FHIT: variants seen among roughly 807,000 people sequenced by gnomAD.
The protein encoded by FHIT is fragile histidine triad diadenosine triphosphatase, also known as bis(5'-adenosyl)-triphosphatase.
A neutral mutation model predicts 17.9 loss-of-function variants in FHIT; 19 were observed. That is an observed-to-expected ratio of 1.06 (90% CI 0.74 to 1.56). The LOEUF is 1.56. Ranked by LOEUF, FHIT falls within the 40% of genes most tolerant of loss-of-function variation. The probability of loss-of-function intolerance (pLI) is 0.00; values close to 1 mark genes in which losing one functional copy is unlikely to be tolerated. For missense variants in FHIT, 248 were observed against 189.2 expected, an observed-to-expected ratio of 1.31 and a Z score of -1.82; for synonymous variants, 81 against 69.7, an observed-to-expected ratio of 1.16 and a Z score of -0.81.
chr3:60,580,854 T>G (rs2037727966), intron 4 of FHIT, among the ~76,000 whole-genome samples: 3 of 152,116 alleles, frequency 2.0e-5, no homozygotes, highest in Non-Finnish European at 4.4e-5. Flanking sequence ...GAGTGATGCC[T>G]GCCAAGGGTG....
intron 5 of FHIT, among the ~76,000 whole-genome samples, chr3:60,319,480 G>A (rs1253540733): frequency 2.0e-5 from 3 of 152,056 alleles, no homozygotes; most frequent in African/African-American, 4.8e-5. Flanking sequence ...CAGAGTAGAT[G>A]ATGGAACGGT....
intron 5 of FHIT, among the ~76,000 whole-genome samples, chr3:60,124,041 G>GAGAGAGAGAC (rs1553691009): frequency 1.6e-3 from 78 of 47,560 alleles, no homozygotes; most frequent in Middle Eastern, 0.011. Context: ...GAGAGAGAGA[G>GAGAGAGAGAC]AGAGAGAGAG....
intron 5 of FHIT, among the ~76,000 whole-genome samples, chr3:60,182,340 T>C (rs529971739): frequency 2.6e-5 from 4 of 152,308 alleles, no homozygotes; most frequent in African/African-American, 9.6e-5. Flanking sequence ...AAACCAAATA[T>C]CAATGATTCC....
chr3:59,945,457 C>T (rs148989317), intron 7 of FHIT, among the ~76,000 whole-genome samples: 8,831 of 151,872 alleles, frequency 0.058, 344 homozygotes, highest in Admixed American at 0.1. Context: ...TATTTTCTCC[C>T]ATTCTCTAGG....
At chr3:60,983,425 CTCCTTTGGACAA>C (rs1213715199) in intron 3 of FHIT, among the ~76,000 whole-genome samples, 1 of 152,120 alleles carries the variant, frequency 6.6e-6, no homozygotes, top group African/African-American at 2.4e-5. Flanking sequence ...TGAATGACAG[CTCCTTTGGACAA>C]TAAGTCAGGG....
At chr3:60,075,799 T>C (rs1702981468) in intron 5 of FHIT, among the ~76,000 whole-genome samples, 1 of 152,124 alleles carries the variant, frequency 6.6e-6, no homozygotes, top group Non-Finnish European at 1.5e-5. Context: ...GTCCTGGTCC[T>C]GAGGCCTGGC....
At chr3:60,927,014 G>A (rs931178575) in intron 3 of FHIT, among the ~76,000 whole-genome samples, 3 of 151,842 alleles carry the variant, frequency 2.0e-5, no homozygotes, top group East Asian at 3.9e-4. Context: ...CCCCTCCCTC[G>A]TCTCCGTCTC....
At chr3:60,200,599 T>C in intron 5 of FHIT, among the ~76,000 whole-genome samples, 1 of 151,922 alleles carries the variant, frequency 6.6e-6, no homozygotes, top group South Asian at 2.1e-4. Flanking sequence ...TGCTTTGAAC[T>C]CTAGGGACAG....
At chr3:60,815,534 G>A (rs1701712797) in intron 4 of FHIT, among the ~76,000 whole-genome samples, 1 of 152,112 alleles carries the variant, frequency 6.6e-6, no homozygotes, top group South Asian at 2.1e-4. Flanking sequence ...TTGAAGATCA[G>A]ATGGTTGTAA....
intron 3 of FHIT, among the ~76,000 whole-genome samples, chr3:60,824,842 C>T (rs1189709609): frequency 2.0e-5 from 3 of 152,168 alleles, no homozygotes; most frequent in African/African-American, 7.2e-5. Flanking sequence ...TTGCCTTCCA[C>T]CATGATTGTG....
In FHIT at chr3:61,175,195, C is replaced by CA. The variant is rs1392335378; in HGVS notation, c.-164+25421dup. On this transcript the variant is annotated intron_variant, in intron 2 of 9. Coordinates refer to ENST00000492590, the MANE Select transcript of FHIT (RefSeq NM_002012.4). Reference sequence around the variant, plus strand: ...AAAGCACACATTTAAAAAACAATAACAAAAAACAACAAAAATAAGCAACCA... The same window carrying CA: ...AAAGCACACATTTAAAAAACAATAACAAAAAAACAACAAAAATAAGCAACCA... Among the ~76,000 whole-genome samples, 15 of 149,522 alleles carry CA rather than the reference C, an allele frequency of 1.0e-4. No individual in the cohort carries two copies. In the East Asian group the frequency reaches 1.5e-3, roughly 15 times the overall value.
intron 5 of FHIT, among the ~76,000 whole-genome samples, chr3:60,167,575 AG>A (rs1222351617): frequency 1.3e-5 from 2 of 152,172 alleles, no homozygotes; most frequent in East Asian, 3.8e-4. Flanking sequence ...TTGTGAAGGA[AG>A]ATGCTTAGTG....
intron 5 of FHIT, among the ~76,000 whole-genome samples, chr3:60,021,002 T>C (rs1453032064): frequency 6.6e-6 from 1 of 152,192 alleles, no homozygotes; most frequent in Admixed American, 6.5e-5. Flanking sequence ...ACATACTCAT[T>C]TCAGTAACTC....
intron 4 of FHIT, among the ~76,000 whole-genome samples, chr3:60,749,324 T>C (rs1358835670): frequency 6.6e-6 from 1 of 152,208 alleles, no homozygotes; most frequent in African/African-American, 2.4e-5. Context: ...TCCGCATCTG[T>C]TGAATCCCAA....
At chr3:60,832,060 AG>A (rs1702350671) in intron 3 of FHIT, among the ~76,000 whole-genome samples, 1 of 152,264 alleles carries the variant, frequency 6.6e-6, no homozygotes, top group African/African-American at 2.4e-5. Context: ...TAGAGCCCTT[AG>A]CCCCAAGTAA....
intron 5 of FHIT, among the ~76,000 whole-genome samples, chr3:60,501,866 G>A (rs1337979114): frequency 2.0e-5 from 3 of 152,160 alleles, no homozygotes; most frequent in East Asian, 1.9e-4. Context: ...TGCATATTAC[G>A]CACTCAGTAC....
Position 59,752,380 on chromosome 3 carries a change from A to T in FHIT, c.349-59T>A. The T allele has an allele frequency of 2.2e-6, 3 of 1,363,244 alleles. No individual in the cohort carries two copies. The South Asian group carries it at 3.7e-5, about 17-fold the overall frequency. The allele number at this position is 1,363,244 out of a possible 1,614,324, so 84.4% of individuals were successfully genotyped here. ...TGGGCCCTTGGGATCTCCTTGAACAAATTTCGGGGGGCTGGGGGAGACTGA... is the reference window on the plus strand; with the variant it reads ...TGGGCCCTTGGGATCTCCTTGAACATATTTCGGGGGGCTGGGGGAGACTGA... On this transcript the variant is annotated intron_variant, in intron 8 of 9. Coordinates refer to ENST00000492590, the MANE Select transcript of FHIT (RefSeq NM_002012.4).
intron 5 of FHIT, among the ~76,000 whole-genome samples, chr3:60,414,931 G>T (rs56913385): frequency 1.3e-5 from 2 of 152,264 alleles, no homozygotes; most frequent in East Asian, 3.9e-4. Flanking sequence ...CCAGAATTTT[G>T]ATAGTTTCGT....
chr3:60,212,845 C>A (rs1576317225), intron 5 of FHIT, among the ~76,000 whole-genome samples: 1 of 152,134 alleles, frequency 6.6e-6, no homozygotes, highest in African/African-American at 2.4e-5. Context: ...CAATCCTGGG[C>A]GCTAATGATT....
Sources: gnomAD v4.1 joint callset for allele counts (sites outside exome capture counted in the v4.1 genomes callset) on GRCh38, gnomAD v4.1.1 for gene constraint, MANE v1.5 for transcripts, NCBI Gene and HGNC (gene_info 2026-07-23, HGNC 2026-07-21) for gene names.